Variants in FGF12 observed in about 807,000 individuals in gnomAD.
FGF12 encodes the protein fibroblast growth factor 12, also known as fibroblast growth factor 12B.
A neutral mutation model predicts 23.6 loss-of-function variants in FGF12; 14 were observed. The ratio of observed to expected loss-of-function variants is 0.59; its 90% CI spans 0.39 to 0.93. FGF12 has a LOEUF of 0.93. Among genes scored for constraint, FGF12 ranks in the 40% least tolerant of loss-of-function variants. The pLI is 0.00. For synonymous variants in FGF12, 62 were observed against 77.3 expected (o/e 0.80, Z 1.04); for missense variants, 175 against 217.8 (o/e 0.80, Z 1.24).
At chr3:192,647,216 A>G (rs1716036979) in intron 2 of FGF12, among the ~76,000 whole-genome samples, 1 of 152,144 alleles carries the variant, frequency 6.6e-6, no homozygotes, top group Non-Finnish European at 1.5e-5. Flanking sequence ...ACAGTTAGGA[A>G]GTCTCCTCCT....
intron 2 of FGF12, among the ~76,000 whole-genome samples, chr3:192,426,370 T>A (rs996701347): frequency 5.3e-5 from 8 of 152,192 alleles, no homozygotes; most frequent in African/African-American, 1.4e-4. Context: ...CTCATAGTAT[T>A]GTCAGAGGGA....
At chr3:192,478,625 A>T (rs1686753699) in intron 2 of FGF12, among the ~76,000 whole-genome samples, 1 of 152,164 alleles carries the variant, frequency 6.6e-6, no homozygotes, top group African/African-American at 2.4e-5. Context: ...ATCATCTATT[A>T]ATCATTTTCA....
intron 4 of FGF12, among the ~76,000 whole-genome samples, chr3:192,259,733 A>G (rs1006265509): frequency 2.6e-5 from 4 of 152,174 alleles, no homozygotes; most frequent in Non-Finnish European, 5.9e-5. Context: ...AAGATACAAA[A>G]AGACAATAAA....
intron 4 of FGF12, among the ~76,000 whole-genome samples, chr3:192,316,113 C>T: frequency 6.6e-6 from 1 of 152,222 alleles, no homozygotes; most frequent in East Asian, 1.9e-4. Flanking sequence ...GGATCTCCCT[C>T]TGTGGTATTA....
At chr3:192,612,369 C>A (rs199905352) in intron 2 of FGF12, among the ~76,000 whole-genome samples, 11 of 151,816 alleles carry the variant, frequency 7.2e-5, no homozygotes, top group Non-Finnish European at 1.2e-4. Flanking sequence ...GACAGAGAAA[C>A]GAAGTTTTGC....
chr3:192,211,591 A>G (rs1668508812), intron 4 of FGF12, among the ~76,000 whole-genome samples: 1 of 151,874 alleles, frequency 6.6e-6, no homozygotes, highest in South Asian at 2.1e-4. Flanking sequence ...ACGCCTAGCT[A>G]AATTTTTGTA....
At chr3:192,567,958 G>A (rs745739620) in intron 2 of FGF12, among the ~76,000 whole-genome samples, 3 of 151,450 alleles carry the variant, frequency 2.0e-5, no homozygotes, top group East Asian at 3.9e-4. Context: ...TCAGCCTCCC[G>A]AGTAGCTGGG....
chr3:192,144,401 AC>A lies in FGF12; in HGVS notation c.428-275del, dbSNP rs3841953. On this transcript the variant is annotated intron_variant, in intron 5 of 5. Coordinates refer to ENST00000445105, the MANE Select transcript of FGF12 (RefSeq NM_004113.6). The stretch of plus-strand genomic sequence containing the variant: ...AGGCTTGAATCTTTACAGTTTCCTA[AC>A]CTAGAAAAGAGGATTTTCATCCAGA... Among the ~76,000 whole-genome samples the A allele has an allele frequency of 0.14, 20,625 of 152,072 alleles. 1,494 individuals are homozygous for A. The highest frequency in any genetic ancestry group is 0.2 in the South Asian group (984 of 4,816).
intron 2 of FGF12, among the ~76,000 whole-genome samples, chr3:192,493,491 C>T (rs769133360): frequency 6.6e-6 from 1 of 152,110 alleles, no homozygotes; most frequent in African/African-American, 2.4e-5. Flanking sequence ...AAGAAGGCCT[C>T]AAAGAATGTA....
At chr3:192,174,115 C>T (rs1395811513) in intron 4 of FGF12, among the ~76,000 whole-genome samples, 1 of 152,172 alleles carries the variant, frequency 6.6e-6, no homozygotes, top group Non-Finnish European at 1.5e-5. Flanking sequence ...AAGCCTTACT[C>T]ATATTATAGA....
intron 3 of FGF12, among the ~76,000 whole-genome samples, chr3:192,355,312 T>C (rs891295550): frequency 1.3e-5 from 2 of 152,332 alleles, no homozygotes; most frequent in Non-Finnish European, 2.9e-5. Context: ...CTTGCAGATA[T>C]ACATTTTAAG....
intron 2 of FGF12, among the ~76,000 whole-genome samples, chr3:192,411,967 T>TC (rs1158966372): frequency 2.0e-5 from 3 of 152,048 alleles, no homozygotes; most frequent in African/African-American, 4.8e-5. Context: ...GTTTTTTTTT[T>TC]CCAAAGAAAA....
At chr3:192,201,819 T>C (rs1421789859) in intron 4 of FGF12, among the ~76,000 whole-genome samples, 1 of 152,234 alleles carries the variant, frequency 6.6e-6, no homozygotes, top group East Asian at 1.9e-4. Flanking sequence ...CAAGCAGGAC[T>C]GTAATTAATG....
In FGF12 at chr3:192,162,878, C is replaced by T. The variant is rs140847607; in HGVS notation, c.427+7580G>A. Among the ~76,000 whole-genome samples the T allele has an allele frequency of 3.9e-5, 6 of 152,160 alleles. No individual in the cohort carries two copies. The East Asian group carries it at 9.6e-4, about 24-fold the overall frequency. On this transcript the variant is annotated intron_variant, in intron 5 of 5. Transcript: ENST00000445105. ...ATTCCATTTTCATTGCCTTTAATTT[C>T]TCATGCAATGCCACATCTCACAGCA... is the stretch of plus-strand genomic sequence containing the variant.
chr3:192,441,950 A>G (rs1722213766), intron 2 of FGF12, among the ~76,000 whole-genome samples: 1 of 152,218 alleles, frequency 6.6e-6, no homozygotes, highest in African/African-American at 2.4e-5. Context: ...GAACGACAAT[A>G]ATAAAACTGC....
chr3:192,626,616 T>C (rs911210937), intron 2 of FGF12, among the ~76,000 whole-genome samples: 5 of 152,156 alleles, frequency 3.3e-5, no homozygotes, highest in Non-Finnish European at 1.5e-5. Context: ...TGTTTGTTTG[T>C]TGTTTGTTTA....
At chr3:192,296,068 T>C (rs1346520032) in intron 4 of FGF12, among the ~76,000 whole-genome samples, 131 of 141,308 alleles carry the variant, frequency 9.3e-4, no homozygotes, top group African/African-American at 2.9e-3. Context: ...CTTTCTTTTT[T>C]TTTTTTTTTT....
At chr3:192,699,020 C>T (rs144864691) in intron 2 of FGF12, among the ~76,000 whole-genome samples, 14 of 152,158 alleles carry the variant, frequency 9.2e-5, no homozygotes, top group Non-Finnish European at 1.5e-4. Flanking sequence ...TGTCTTCCCT[C>T]TTTCTGTATA....
intron 4 of FGF12, among the ~76,000 whole-genome samples, chr3:192,243,962 TCTC>T (rs1719752857): frequency 1.3e-5 from 2 of 152,080 alleles, no homozygotes; most frequent in African/African-American, 4.8e-5. Flanking sequence ...TATTGGCTAT[TCTC>T]CTACAATATG....
Sources: gnomAD v4.1 joint callset for allele counts (sites outside exome capture counted in the v4.1 genomes callset) on GRCh38, gnomAD v4.1.1 for gene constraint, MANE v1.5 for transcripts, NCBI Gene and HGNC (gene_info 2026-07-23, HGNC 2026-07-21) for gene names.